MYLK: variants seen among roughly 807,000 people sequenced by gnomAD.
MYLK encodes myosin light chain kinase, smooth muscle.
Under a neutral mutation model 203.4 loss-of-function variants are expected in MYLK, and 106 were observed. The observed-to-expected ratio is 0.52, with a 90% CI of 0.45 to 0.61. The LOEUF is 0.61. Ranked by LOEUF, MYLK falls within the 20% of genes least tolerant of loss-of-function variation. The pLI is 0.00. For synonymous variants in MYLK, 867 were observed against 959.5 expected (o/e 0.90, Z 1.78); for missense variants, 2,072 against 2,442.3 (o/e 0.85, Z 3.20).
rs148947944 is a variant in MYLK at position 123,686,910 on chromosome 3, T to C, written c.3566-4600A>G. 4.2e-3 allele frequency among the ~76,000 whole-genome samples: 633 copies of C among 152,294 alleles called. 5 individuals are homozygous for C. The highest frequency in any genetic ancestry group is 0.012 in the African/African-American group (510 of 41,570). On this transcript the variant is annotated intron_variant, in intron 19 of 33. Transcript: ENST00000360304. ...TTTAGTTTCACATAATACCCGTTAGTTGTCTGTGATGATTTAAAGAATAAA... is the reference window on the plus strand; with the variant it reads ...TTTAGTTTCACATAATACCCGTTAGCTGTCTGTGATGATTTAAAGAATAAA...
At chr3:123,821,626 C>T (rs2065941053) in intron 3 of MYLK, among the ~76,000 whole-genome samples, 1 of 152,192 alleles carries the variant, frequency 6.6e-6, no homozygotes, top group African/African-American at 2.4e-5. Context: ...GGCTCAACTG[C>T]TGGTCCTGCC....
intron 23 of MYLK, among the ~76,000 whole-genome samples, chr3:123,658,024 T>C (rs971037318): frequency 1.3e-5 from 2 of 152,248 alleles, no homozygotes; most frequent in African/African-American, 4.8e-5. Flanking sequence ...CTCAGTTTCC[T>C]CATCTGTAAA....
intron 4 of MYLK, among the ~76,000 whole-genome samples, chr3:123,765,517 T>G (rs2063675428): frequency 1.4e-5 from 2 of 142,496 alleles, no homozygotes; most frequent in Non-Finnish European, 1.5e-5. Flanking sequence ...GGTAACAGAG[T>G]GAGATTCCAC....
At chr3:123,844,395 G>A (rs2066661919) in intron 2 of MYLK, among the ~76,000 whole-genome samples, 1 of 152,162 alleles carries the variant, frequency 6.6e-6, no homozygotes, top group African/African-American at 2.4e-5. Context: ...CTTGGCTCAG[G>A]TTCCACATCA....
At chr3:123,663,405 G>A (rs1458172515) in intron 23 of MYLK, among the ~76,000 whole-genome samples, 3 of 152,170 alleles carry the variant, frequency 2.0e-5, no homozygotes, top group Non-Finnish European at 4.4e-5. Flanking sequence ...TGGGGCGTGG[G>A]GGTGAGGCCA....
At position 123,828,121 on chromosome 3, in the gene MYLK, G is replaced by C. The variant is rs2066196138; in HGVS notation, c.-4+3427C>G. ...GAAAAAAAATCCTAAACTTTGTATG[G>C]AACAATGAAAGGCCCTAAATAGCCA... On this transcript the variant is annotated intron_variant, in intron 3 of 33. Transcript: ENST00000360304. 2.0e-5 allele frequency among the ~76,000 whole-genome samples: 3 copies of C among 151,832 alleles called. No homozygotes were observed. The South Asian group carries it at 6.3e-4, about 32-fold the overall frequency.
At chr3:123,770,585 A>C (rs2063847117) in intron 4 of MYLK, among the ~76,000 whole-genome samples, 1 of 152,182 alleles carries the variant, frequency 6.6e-6, no homozygotes, top group South Asian at 2.1e-4. Flanking sequence ...TGTTAATAGG[A>C]TATTGAGGAA....
intron 2 of MYLK, among the ~76,000 whole-genome samples, chr3:123,865,671 G>T (rs2032280620): frequency 6.6e-6 from 1 of 152,182 alleles, no homozygotes; most frequent in Admixed American, 6.5e-5. Context: ...ATCTGAAGGT[G>T]GCAGATTTTT....
At position 123,737,560 on chromosome 3, in the gene MYLK, G is replaced by C. The variant is rs2062720623; in HGVS notation, c.589-17C>G. 6.2e-7 allele frequency: 1 copy of C among 1,613,816 alleles called. No individual in the cohort carries two copies. The highest frequency in any genetic ancestry group is 1.3e-5 in the African/African-American group (1 of 74,930). ...AACATTTCCCTGTGGATGGCAATGG[G>C]GTAACTTGGTCATACAAATCTGCTC... On this transcript the variant is annotated splice_polypyrimidine_tract_variant and intron_variant, in intron 7 of 33. Coordinates refer to ENST00000360304, the MANE Select transcript of MYLK (RefSeq NM_053025.4).
chr3:123,784,366 G>C (rs556539973), intron 4 of MYLK, among the ~76,000 whole-genome samples: 1 of 148,252 alleles, frequency 6.7e-6, no homozygotes, highest in Non-Finnish European at 1.5e-5. Flanking sequence ...ACGGCTCATG[G>C]GTTGACTTTC....
rs2148724288 is a variant in MYLK at position 123,878,381 on chromosome 3, C to T, written c.-185-1764G>A. Among the ~76,000 whole-genome samples the T allele has an allele frequency of 2.6e-5, 4 of 152,326 alleles. No homozygotes were observed. The Middle Eastern group carries it at 0.01, about 389-fold the overall frequency. On this transcript the variant is annotated intron_variant, in intron 1 of 33. Transcript: ENST00000360304. ...GCATCTTCCTGGTGTTTCCCACAGC[C>T]TCAGATGACATTCCATGTAGTCTGA...
At chr3:123,688,731 G>A (rs2060554988) in intron 19 of MYLK, among the ~76,000 whole-genome samples, 1 of 152,118 alleles carries the variant, frequency 6.6e-6, no homozygotes, top group Non-Finnish European at 1.5e-5. Flanking sequence ...AACGCCTTAA[G>A]CACAGTGTCC....
At chr3:123,806,454 A>G (rs1279212217) in intron 3 of MYLK, among the ~76,000 whole-genome samples, 1 of 152,196 alleles carries the variant, frequency 6.6e-6, no homozygotes, top group Non-Finnish European at 1.5e-5. Context: ...CATCTGGTAA[A>G]GAGATGGGTC....
chr3:123,680,661 A>G (rs932335251), intron 20 of MYLK, among the ~76,000 whole-genome samples: 2 of 152,154 alleles, frequency 1.3e-5, no homozygotes, highest in African/African-American at 2.4e-5. Flanking sequence ...AGTTCCCCCA[A>G]CAGCCTGGCT....
chr3:123,663,973 G>A, intron 23 of MYLK, 132 bp downstream of exon 23: 4 of 1,335,602 alleles, frequency 3.0e-6, no homozygotes, highest in South Asian at 2.4e-5. Context: ...TCTTTCTGTG[G>A]TGCCTTATAA....
intron 4 of MYLK, among the ~76,000 whole-genome samples, chr3:123,773,449 T>C (rs2063953791): frequency 6.6e-6 from 1 of 152,242 alleles, no homozygotes. Context: ...ATTCAAATTA[T>C]GCAAATTTAG....
chr3:123,709,657 T>C, intron 14 of MYLK, 99 bp downstream of exon 14: 2 of 1,509,618 alleles, frequency 1.3e-6, no homozygotes, highest in Non-Finnish European at 1.8e-6. Flanking sequence ...TCTGATTTTC[T>C]GGTGGATCAA....
intron 30 of MYLK, among the ~76,000 whole-genome samples, chr3:123,628,241 C>T (rs540583715): frequency 6.6e-6 from 1 of 152,290 alleles, no homozygotes; most frequent in South Asian, 2.1e-4. Context: ...GAGTGGGGTG[C>T]ATCACAGGAA....
intron 3 of MYLK, among the ~76,000 whole-genome samples, chr3:123,829,368 T>C (rs1251567478): frequency 6.6e-6 from 1 of 152,130 alleles, no homozygotes; most frequent in African/African-American, 2.4e-5. Context: ...TGTGTTCTCA[T>C]TCATATGTGA....
Sources: allele counts gnomAD v4.1 joint callset (sites outside exome capture counted in the v4.1 genomes callset), GRCh38; gene constraint gnomAD v4.1.1; transcripts MANE v1.5; gene names NCBI Gene and HGNC (gene_info 2026-07-23, HGNC 2026-07-21).